The following MDFIC2 variants were observed in gnomAD, a reference collection of about 807,000 sequenced individuals.
MDFIC2 encodes myoD family inhibitor domain-containing protein 2.
rs71672662 is a variant in MDFIC2 at position 70,237,979 on chromosome 3, C to CTTTTTTTTTTTTTTT, written c.89-31204_89-31190dup. On this transcript the variant is annotated intron_variant, in intron 2 of 3. Transcript: ENST00000567252. ...GGAAAAGAAACTAATTGAGTGGTAT[C>CTTTTTTTTTTTTTTT]TTTTTTTTTTTTTTTTTTTTTTTTT... Among the ~76,000 whole-genome samples the CTTTTTTTTTTTTTTT allele has an allele frequency of 6.5e-3, 316 of 48,938 alleles. 99 individuals carry two copies. The highest frequency in any genetic ancestry group is 0.016 in the African/African-American group (150 of 9,424). The allele number at this position is 48,938 out of a possible 152,430, so 32.1% of individuals were successfully genotyped here.
At chr3:70,216,519 T>A (rs576918982) in intron 2 of MDFIC2, among the ~76,000 whole-genome samples, 2 of 152,080 alleles carry the variant, frequency 1.3e-5, no homozygotes, top group East Asian at 3.9e-4. Flanking sequence ...TAGTAAGTGA[T>A]GGAGCTAGAA....
intron 2 of MDFIC2, among the ~76,000 whole-genome samples, chr3:70,309,521 G>T (rs927747306): frequency 1.3e-5 from 2 of 152,124 alleles, no homozygotes; most frequent in Non-Finnish European, 2.9e-5. Flanking sequence ...GGAAATTGAG[G>T]CTCAGGGAGA....
At chr3:70,307,727 C>T (rs936496449) in intron 2 of MDFIC2, among the ~76,000 whole-genome samples, 20 of 152,262 alleles carry the variant, frequency 1.3e-4, no homozygotes, top group Admixed American at 1.0e-3. Flanking sequence ...TTTACAGGCT[C>T]ATATCACACA....
At chr3:70,278,811 ATTC>A (rs1702053341) in intron 2 of MDFIC2, among the ~76,000 whole-genome samples, 1 of 152,112 alleles carries the variant, frequency 6.6e-6, no homozygotes, top group Middle Eastern at 3.4e-3. Context: ...TATGCCTCAG[ATTC>A]TTCTTCTATA....
intron 2 of MDFIC2, among the ~76,000 whole-genome samples, chr3:70,279,101 A>G (rs1438834903): frequency 6.7e-6 from 1 of 150,248 alleles, no homozygotes; most frequent in Non-Finnish European, 1.5e-5. Flanking sequence ...TCCAAATGAC[A>G]TACTAGATAG....
At chr3:70,206,384 C>A (rs936791363) in intron 3 of MDFIC2, among the ~76,000 whole-genome samples, 185 bp downstream of exon 3, 4 of 152,056 alleles carry the variant, frequency 2.6e-5, no homozygotes, top group Admixed American at 6.6e-5. Context: ...AGCAAACAAT[C>A]TGCCAAGCGC....
chr3:70,231,355 G>C (rs1701558565), intron 2 of MDFIC2, among the ~76,000 whole-genome samples: 1 of 152,134 alleles, frequency 6.6e-6, no homozygotes, highest in African/African-American at 2.4e-5. Context: ...ATCTCTCTCT[G>C]GGATCAAGCT....
chr3:70,273,236 T>C (rs934961150), intron 2 of MDFIC2, among the ~76,000 whole-genome samples: 1 of 152,224 alleles, frequency 6.6e-6, no homozygotes, highest in African/African-American at 2.4e-5. Context: ...AGAGATGGAA[T>C]AGCAAGTGTG....
chr3:70,231,410 T>C (rs1701558990), intron 2 of MDFIC2, among the ~76,000 whole-genome samples: 1 of 152,080 alleles, frequency 6.6e-6, no homozygotes, highest in East Asian at 1.9e-4. Flanking sequence ...AGCTAAGCTC[T>C]ACCCCCAGAG....
intron 2 of MDFIC2, among the ~76,000 whole-genome samples, chr3:70,273,282 C>T (rs1311513705): frequency 1.3e-5 from 2 of 152,176 alleles, no homozygotes; most frequent in Non-Finnish European, 2.9e-5. Context: ...TTAGTCGACT[C>T]AACAATTTCT....
chr3:70,308,210 C>T (rs1482918483), intron 2 of MDFIC2, among the ~76,000 whole-genome samples: 1 of 151,206 alleles, frequency 6.6e-6, no homozygotes, highest in African/African-American at 2.4e-5. Context: ...GCCATTACAC[C>T]CAGCTAATTT....
At chr3:70,294,423 A>AT (rs2106696070) in intron 2 of MDFIC2, among the ~76,000 whole-genome samples, 1 of 152,246 alleles carries the variant, frequency 6.6e-6, no homozygotes, top group African/African-American at 2.4e-5. Context: ...TACGTAGGAG[A>AT]ATATAGAAAG....
At chr3:70,289,889 G>C (rs1377085186) in intron 2 of MDFIC2, among the ~76,000 whole-genome samples, 1 of 151,662 alleles carries the variant, frequency 6.6e-6, no homozygotes, top group African/African-American at 2.4e-5. Flanking sequence ...CGTAGTTCTC[G>C]AGCCTTGGTT....
In MDFIC2 at chr3:70,256,159, C is replaced by T. The variant is rs1216534383; in HGVS notation, c.89-49369G>A. On this transcript the variant is annotated intron_variant, in intron 2 of 3. Coordinates refer to ENST00000567252, the MANE Select transcript of MDFIC2 (RefSeq NM_001364677.1). The stretch of plus-strand genomic sequence containing the variant: ...TTGCTTTCCCCATGGTTACGAATGA[C>T]TCTTTAAGATGGATCCTTTTTATTC... 2.0e-5 allele frequency among the ~76,000 whole-genome samples: 3 copies of T among 152,146 alleles called. No homozygotes were observed. The East Asian group carries it at 5.8e-4, about 29-fold the overall frequency.
At chr3:70,307,947 C>A (rs1702418039) in intron 2 of MDFIC2, among the ~76,000 whole-genome samples, 1 of 152,204 alleles carries the variant, frequency 6.6e-6, no homozygotes, top group African/African-American at 2.4e-5. Flanking sequence ...CCTGCATCAC[C>A]TCCTTCTCTC....
rs1402272936 is a variant in MDFIC2, at chr3:70,286,979, G to C, written c.88+24907C>G. 4.0e-5 allele frequency among the ~76,000 whole-genome samples: 6 copies of C among 149,774 alleles called. No homozygotes were observed. The South Asian group carries it at 6.5e-4, about 16-fold the overall frequency. On this transcript the variant is annotated intron_variant, in intron 2 of 3. Transcript: ENST00000567252. ...TGGGCTGAGACAATGGCGTTTTCTA[G>C]ATATAAAATCATGTCGTCTGCAAAC...
chr3:70,259,833 C>A lies in MDFIC2; in HGVS notation c.88+52053G>T, dbSNP rs140208637. On this transcript the variant is annotated intron_variant, in intron 2 of 3. Coordinates refer to ENST00000567252, the MANE Select transcript of MDFIC2 (RefSeq NM_001364677.1). ...GGTTTGATTGACTCACAGTTCAGCA[C>A]AGCTGGGGAGGTCTCAGGAAACTTA... 3.4e-4 allele frequency among the ~76,000 whole-genome samples: 52 copies of A among 152,226 alleles called. 1 individual carries two copies. The highest frequency in any genetic ancestry group is 1.3e-3 in the African/African-American group (52 of 41,516).
In MDFIC2 at chr3:70,289,189, G is replaced by A. The variant is rs536663711; in HGVS notation, c.88+22697C>T. On this transcript the variant is annotated intron_variant, in intron 2 of 3. Coordinates refer to ENST00000567252, the MANE Select transcript of MDFIC2 (RefSeq NM_001364677.1). The stretch of plus-strand genomic sequence containing the variant: ...TTACATTTTGGCATGATTTTGCAGC[G>A]GCTGGTACCGGTTGTTCCTTTCCAT... Among the ~76,000 whole-genome samples, 713 of 148,822 alleles carry A rather than the reference G, an allele frequency of 4.8e-3. 5 individuals carry two copies. Among genetic ancestry groups the A allele is most frequent in the Admixed American group, 7.6e-3 (113 of 14,954 alleles).
intron 2 of MDFIC2, among the ~76,000 whole-genome samples, chr3:70,262,417 C>A (rs879371158): frequency 6.6e-6 from 1 of 152,008 alleles, no homozygotes; most frequent in Non-Finnish European, 1.5e-5. Flanking sequence ...TTAAAAGATG[C>A]GGATGCATTC....
Sources: allele counts gnomAD v4.1 joint callset (sites outside exome capture counted in the v4.1 genomes callset), GRCh38; gene constraint gnomAD v4.1.1; transcripts MANE v1.5; gene names NCBI Gene and HGNC (gene_info 2026-07-23, HGNC 2026-07-21).